Variants in POP1 observed in about 807,000 individuals in gnomAD.
POP1 encodes the protein ribonucleases P/MRP protein subunit POP1.
POP1 carries 75 observed loss-of-function variants against 102.2 expected under a neutral mutation model. The ratio of observed to expected loss-of-function variants is 0.73; its 90% CI spans 0.61 to 0.89. The LOEUF is 0.89. POP1 is among the 40% of genes least tolerant of loss of function. The probability of loss-of-function intolerance (pLI) is 0.00; values close to 1 mark genes in which losing one functional copy is unlikely to be tolerated. For synonymous variants in POP1, 436 were observed against 464.1 expected, an observed-to-expected ratio of 0.94 and a Z score of 0.78; for missense variants, 1,116 against 1,267.4, an observed-to-expected ratio of 0.88 and a Z score of 1.81.
In POP1 at chr8:98,159,283, G is replaced by C. The variant is rs546975809; in HGVS notation, c.*1012G>C. 1 of 152,322 alleles carries C rather than the reference G, an allele frequency of 6.6e-6. No homozygotes were observed. Among genetic ancestry groups the C allele is most frequent in the Admixed American group, 6.5e-5 (1 of 15,294 alleles). The allele number at this position is 152,322 out of a possible 1,614,324, so 9.4% of individuals were successfully genotyped here. On this transcript the variant is annotated 3_prime_UTR_variant, in exon 16 of 16. Transcript: ENST00000401707. ...AGCGCGCTTTGGGCAGTGTGGCTGT[G>C]TAGTGCATAGCTACCTCTGCAAGGT...
chr8:98,150,472 A>C lies in POP1; in HGVS notation c.1903-13A>C. On this transcript the variant is annotated splice_polypyrimidine_tract_variant and intron_variant, in intron 13 of 15. Transcript: ENST00000401707. ...TTGGTAGACTGACAGTATCTTTTTG[A>C]CATTTCTTTTAGATTTATCGAGGTG... The C allele has an allele frequency of 6.2e-7, 1 of 1,613,702 alleles. No homozygotes were observed.
intron 13 of POP1, 87 bp from the exon 14 acceptor site, chr8:98,150,398 A>T (rs532741367): frequency 1.4e-6 from 2 of 1,414,230 alleles, no homozygotes; most frequent in Non-Finnish European, 2.0e-6. Flanking sequence ...AGGGGCGTTT[A>T]GGTTGTTTCC....
chr8:98,125,152 A>G (rs1016959378), intron 2 of POP1, among the ~76,000 whole-genome samples: 1 of 149,602 alleles, frequency 6.7e-6, no homozygotes, highest in Non-Finnish European at 1.5e-5. Context: ...AAAATTCTCT[A>G]CTGATCTCTC....
In POP1 at chr8:98,136,510, G is replaced by A. The variant is rs760615355; in HGVS notation, c.1040G>A (p.Cys347Tyr). Residue 347 changes from cysteine to tyrosine, a missense_variant, in exon 8 of 16, where the codon TGC (cysteine) becomes TAC (tyrosine). Coordinates refer to ENST00000401707, the MANE Select transcript of POP1 (RefSeq NM_001145860.2). ...ATCTTAGAGGAAATAAAAGCAGCGT[G>A]CCAGTGTGTGGAACCCATCAAATCA... ...QDILEEIKAA[C>Y]QCVEPIKSAV... is the part of the protein sequence containing the mutation. 1.2e-6 allele frequency: 2 copies of A among 1,613,520 alleles called. No individual in the cohort carries two copies. Among genetic ancestry groups the A allele is most frequent in the Admixed American group, 3.3e-5 (2 of 59,958 alleles).
chr8:98,150,967 A>G (rs2130627258), intron 14 of POP1, among the ~76,000 whole-genome samples: 1 of 152,346 alleles, frequency 6.6e-6, no homozygotes, highest in South Asian at 2.1e-4. Context: ...CAAAATGGAA[A>G]TTGTGTTTTT....
At chr8:98,145,674 G>A (rs1173422536) in intron 11 of POP1, among the ~76,000 whole-genome samples, 1 of 152,174 alleles carries the variant, frequency 6.6e-6, no homozygotes, top group Non-Finnish European at 1.5e-5. Flanking sequence ...GGGAGGCCGA[G>A]GCAGGTGGAT....
chr8:98,153,355 G>A (rs1456948317), intron 14 of POP1, among the ~76,000 whole-genome samples: 1 of 152,010 alleles, frequency 6.6e-6, no homozygotes, highest in African/African-American at 2.4e-5. Flanking sequence ...AAATGTAAGA[G>A]CGAAGTCCTT....
intron 2 of POP1, among the ~76,000 whole-genome samples, chr8:98,124,847 A>G (rs1816149797): frequency 6.6e-6 from 1 of 152,190 alleles, no homozygotes; most frequent in African/African-American, 2.4e-5. Context: ...TTATGAAGTG[A>G]TAGGAAGATC....
At position 98,148,878 on chromosome 8, in the gene POP1, G is replaced by A. The variant is rs1263711174; in HGVS notation, c.1774G>A (p.Glu592Lys). Residue 592 changes from glutamate to lysine, a missense_variant, in exon 13 of 16, where the codon GAA becomes AAA. Transcript: ENST00000401707. ...GTCACAGCTTATTTTAGGTCCCCAT[G>A]AATCCAAGATACCTATACTTTTGAT... is the stretch of plus-strand genomic sequence containing the variant. The part of the protein sequence containing the change: ...PGSQLILGPH[E>K]SKIPILLIQQ... 4 of 1,613,958 alleles carry A rather than the reference G, an allele frequency of 2.5e-6. No homozygotes were observed. The highest frequency in any genetic ancestry group is 1.1e-5 in the South Asian group (1 of 91,012).
chr8:98,143,991 TAA>T (rs1349489127), intron 11 of POP1, among the ~76,000 whole-genome samples: 4 of 138,954 alleles, frequency 2.9e-5, no homozygotes, highest in Non-Finnish European at 1.6e-5. Context: ...CTGTCTCTAC[TAA>T]AAAAAAAAAA....
intron 5 of POP1, 141 bp downstream of exon 5, chr8:98,130,367 C>T: frequency 8.0e-7 from 1 of 1,254,166 alleles, no homozygotes; most frequent in Non-Finnish European, 1.1e-6. Flanking sequence ...AAGCCCGGGT[C>T]CTTTGCCAGA....
At chr8:98,156,645 A>C (rs990361761) in intron 15 of POP1, among the ~76,000 whole-genome samples, 4 of 151,998 alleles carry the variant, frequency 2.6e-5, no homozygotes, top group Admixed American at 6.5e-5. Flanking sequence ...TATTGTCATC[A>C]ATAGATCCAA....
At chr8:98,136,372 G>C (rs373945183) in intron 7 of POP1, 110 bp from the exon 8 acceptor site, 28 of 1,267,004 alleles carry the variant, frequency 2.2e-5, no homozygotes, top group East Asian at 1.8e-4. Context: ...CACCGTGCCT[G>C]GCCAAAAATG....
At position 98,134,784 on chromosome 8, in the gene POP1, G is replaced by T. The variant is rs1361904083; in HGVS notation, c.1011+125G>T. The stretch of plus-strand genomic sequence containing the variant: ...TGATAGTCTGATATTTGTATATGGG[G>T]GGCTCTATGATTATTGAATGAAGTG... On this transcript the variant is annotated intron_variant, in intron 7 of 15. Coordinates refer to ENST00000401707, the MANE Select transcript of POP1 (RefSeq NM_001145860.2). The T allele has an allele frequency of 2.9e-6, 3 of 1,033,718 alleles. No individual in the cohort carries two copies. In the African/African-American group the frequency reaches 4.8e-5, roughly 17 times the overall value. The allele number at this position is 1,033,718 out of a possible 1,614,324, so 64.0% of individuals were successfully genotyped here.
chr8:98,153,976 T>C (rs1344323936), intron 14 of POP1, among the ~76,000 whole-genome samples: 1 of 152,158 alleles, frequency 6.6e-6, no homozygotes, highest in Non-Finnish European at 1.5e-5. Flanking sequence ...TAGGTTAGAT[T>C]CTGCAGTGGG....
At chr8:98,157,153 A>C (rs1291346748) in intron 15 of POP1, among the ~76,000 whole-genome samples, 2 of 152,118 alleles carry the variant, frequency 1.3e-5, no homozygotes, top group East Asian at 3.8e-4. Context: ...CTAGGATTAC[A>C]GGTGTGAGCC....
chr8:98,120,716 G>A (rs550948299), intron 1 of POP1, among the ~76,000 whole-genome samples: 2 of 151,224 alleles, frequency 1.3e-5, no homozygotes, highest in Admixed American at 1.3e-4. Flanking sequence ...GCGCGATCTC[G>A]GCTCACTGGA....
intron 7 of POP1, among the ~76,000 whole-genome samples, chr8:98,135,575 A>T (rs1201493884): frequency 6.6e-6 from 1 of 152,040 alleles, no homozygotes; most frequent in Non-Finnish European, 1.5e-5. Flanking sequence ...GACTAACCCT[A>T]CCCCTAGCCC....
intron 1 of POP1, among the ~76,000 whole-genome samples, chr8:98,120,318 G>C (rs571025892): frequency 7.9e-5 from 12 of 152,290 alleles, no homozygotes; most frequent in African/African-American, 2.9e-4. Context: ...AGTGGAGTGA[G>C]ACAGTGAAAT....
Sources: gnomAD v4.1 joint callset for allele counts (sites outside exome capture counted in the v4.1 genomes callset) on GRCh38, gnomAD v4.1.1 for gene constraint, MANE v1.5 for transcripts, NCBI Gene and HGNC (gene_info 2026-07-23, HGNC 2026-07-21) for gene names.